The following GRIN1 variants were observed in gnomAD, a reference collection of about 807,000 sequenced individuals.
The protein encoded by GRIN1 is glutamate ionotropic receptor NMDA type subunit 1.
Under a neutral mutation model 103.0 loss-of-function variants are expected in GRIN1, and 38 were observed. The ratio of observed to expected loss-of-function variants is 0.37; its 90% CI spans 0.28 to 0.48. GRIN1 has a LOEUF of 0.48. Among genes scored for constraint, GRIN1 ranks in the 20% least tolerant of loss-of-function variants. The pLI, the probability that GRIN1 is intolerant of heterozygous loss-of-function variation, is 0.98. For synonymous variants in GRIN1, 544 were observed against 532.7 expected, an observed-to-expected ratio of 1.02 and a Z score of -0.29; for missense variants, 577 against 1,288.9, an observed-to-expected ratio of 0.45 and a Z score of 8.46.
Position 137,163,605 on chromosome 9 carries a change from C to T in GRIN1, c.2380C>T (p.Arg794Trp), listed in dbSNP as rs1423513108. The T allele has an allele frequency of 6.2e-7, 1 of 1,613,426 alleles. No homozygotes were observed. Among genetic ancestry groups the T allele is most frequent in the East Asian group, 2.2e-5 (1 of 44,892 alleles). Reference sequence around the variant, plus strand: ...GGAAGACCTGGACAAGACGTGGGTTCGGTATCAGGAATGTGACTCGCGCAG... The same window carrying T: ...GGAAGACCTGGACAAGACGTGGGTTTGGTATCAGGAATGTGACTCGCGCAG... ...FMEDLDKTWV[R>W]YQECDSRSNA... is the part of the protein sequence containing the mutation. The change falls in exon 17 of 20, where the codon CGG becomes TGG. Residue 794 changes from arginine (R) to tryptophan (W), a missense_variant. This residue lies in a region of GRIN1 where 13 missense variants were observed against 100.3 expected (regional missense o/e 0.13). Coordinates refer to ENST00000371561, the MANE Select transcript of GRIN1 (RefSeq NM_007327.4).
chr9:137,156,958 G>T lies in GRIN1; in HGVS notation c.889G>T (p.Glu297Ter). ...VVAQAVHELL[E>*]KENITDPPRG... ...GGCCCAGGCCGTGCACGAGCTCCTCGAGAAGGAGAACATCACCGACCCGCC... is the reference window on the plus strand; with the variant it reads ...GGCCCAGGCCGTGCACGAGCTCCTCTAGAAGGAGAACATCACCGACCCGCC... The change falls in exon 6 of 20, where the codon GAG (glutamate) becomes TAG (stop). Residue 297 changes from glutamate to a stop codon, truncating the protein, a stop_gained. Transcript: ENST00000371561. LOFTEE classifies it high-confidence loss of function. The T allele has an allele frequency of 6.2e-7, 1 of 1,612,218 alleles. No homozygotes were observed. Among genetic ancestry groups the T allele is most frequent in the Non-Finnish European group, 8.5e-7 (1 of 1,179,832 alleles).
chr9:137,163,933 T>TGCCCAGGGCCCGGCCTGGC (rs776800095), intron 18 of GRIN1, 29 bp downstream of exon 18: 1 of 1,610,122 alleles, frequency 6.2e-7, no homozygotes, highest in Non-Finnish European at 8.5e-7. Context: ...CGAGGCCTGG[T>TGCCCAGGGCCCGGCCTGGC]GCCCAGGGCC....
chr9:137,161,292 G>A lies in GRIN1; in HGVS notation c.1343G>A (p.Arg448His), dbSNP rs1313944247. The A allele has an allele frequency of 3.1e-6, 5 of 1,612,234 alleles. No individual in the cohort carries two copies. Among genetic ancestry groups the A allele is most frequent in the Non-Finnish European group, 4.2e-6 (5 of 1,179,634 alleles). The change falls in exon 10 of 20, where the codon CGC becomes CAC. Residue 448 changes from arginine to histidine, a missense_variant. Physicochemically the swap from Arg to His is conservative, Grantham distance 29. This residue lies in a region of GRIN1 where 96 missense variants were observed against 145.0 expected (regional missense o/e 0.66). Transcript: ENST00000371561. ...GPNDTSPGSP[R>H]HTVPQCCYGF... Reference sequence around the variant, plus strand: ...GTTACCGCCCGCACCTACCCAGCCCGCCACACGGTGCCTCAGTGTTGCTAC... The same window carrying A: ...GTTACCGCCCGCACCTACCCAGCCCACCACACGGTGCCTCAGTGTTGCTAC...
At position 137,151,184 on chromosome 9, in the gene GRIN1, C is replaced by A. The variant is rs1370832488; in HGVS notation, c.671+2075C>A. Among the ~76,000 whole-genome samples the A allele has an allele frequency of 6.2e-5, 8 of 128,048 alleles. No individual in the cohort carries two copies. In the East Asian group the frequency reaches 2.0e-3, roughly 32 times the overall value. The allele number at this position is 128,048 out of a possible 152,430, so 84.0% of individuals were successfully genotyped here. A position where few individuals can be genotyped will look rare whatever the true frequency, so the allele number is the denominator to read the frequency against. On this transcript the variant is annotated intron_variant, in intron 4 of 19. Coordinates refer to ENST00000371561, the MANE Select transcript of GRIN1 (RefSeq NM_007327.4). ...AGGGAAAGCCCCGCCCAGGGAAAGA[C>A]CCGCCCAGAAAAAAGTCCCGCCCAG...
chr9:137,156,239 C>A (rs1833208723), intron 4 of GRIN1, among the ~76,000 whole-genome samples: 1 of 152,194 alleles, frequency 6.6e-6, no homozygotes, highest in Admixed American at 6.5e-5. Context: ...CATCCTGGGA[C>A]CCCATCAGAG....
At position 137,163,526 on chromosome 9, in the gene GRIN1, CCTCACTGCAGG is replaced by C. The variant is rs936049949; in HGVS notation, c.2334-26_2334-16del. The C allele has an allele frequency of 2.0e-6, 3 of 1,491,424 alleles. No individual in the cohort carries two copies. In the Admixed American group the frequency reaches 5.0e-5, roughly 25 times the overall value. 92.4% of individuals were successfully genotyped at this position (1,491,424 alleles called of 1,614,324 possible). A position where few individuals can be genotyped will look rare whatever the true frequency, so the allele number is the denominator to read the frequency against. ...TTGCTCCTTCCCGTCCTGGGCCCCGCCTCACTGCAGGCTCACTTGTTCCCACCGCCAGGTCC... is the reference window on the plus strand; with the variant it reads ...TTGCTCCTTCCCGTCCTGGGCCCCGCCTCACTTGTTCCCACCGCCAGGTCC... On this transcript the variant is annotated intron_variant, in intron 16 of 19. Coordinates refer to ENST00000371561, the MANE Select transcript of GRIN1 (RefSeq NM_007327.4).
chr9:137,161,234 G>GC, intron 9 of GRIN1, 37 bp downstream of exon 9: 1 of 1,608,748 alleles, frequency 6.2e-7, no homozygotes, highest in Non-Finnish European at 8.5e-7. Flanking sequence ...CGCGGGGCAG[G>GC]GCGCGGGGCG....
chr9:137,157,031 T>C lies in GRIN1; in HGVS notation c.962T>C (p.Phe321Ser). 6.5e-7 allele frequency: 1 copy of C among 1,536,434 alleles called. No homozygotes were observed. Among genetic ancestry groups the C allele is most frequent in the Non-Finnish European group, 8.8e-7 (1 of 1,135,590 alleles). ...AACATCTGGAAGACCGGGCCGCTCT[T>C]CAAGAGGTGGGCGGGGCCTCCCCGG... is the stretch of plus-strand genomic sequence containing the variant. ...NTNIWKTGPL[F>S]KRVLMSSKYA... Residue 321 changes from phenylalanine to serine, a missense_variant, in exon 6 of 20, where the codon TTC becomes TCC. Phe to Ser is a radical substitution (Grantham distance 155). Around this residue, in one of 9 missense-constraint regions of GRIN1, gnomAD observed 308 missense variants for 553.6 expected, o/e 0.56. Transcript: ENST00000371561.
chr9:137,147,568 G>A (rs930419151), intron 3 of GRIN1, among the ~76,000 whole-genome samples: 10 of 152,182 alleles, frequency 6.6e-5, no homozygotes, highest in African/African-American at 2.4e-4. Flanking sequence ...GGCCTTTGTG[G>A]ACTAACCCTC....
intron 3 of GRIN1, among the ~76,000 whole-genome samples, chr9:137,147,546 C>A (rs1441446196): frequency 6.6e-6 from 1 of 152,236 alleles, no homozygotes; most frequent in African/African-American, 2.4e-5. Context: ...TGGCCCTTCC[C>A]CAACCTTCAC....
At position 137,158,278 on chromosome 9, in the gene GRIN1, GAGCAGGGGGAAGGAGCAGGGAGAAGC is replaced by G. The variant is rs922039062; in HGVS notation, c.969-78_969-53del. ...CGGCAGGAGAAGGAGCAGGGAGAAG[GAGCAGGGGGAAGGAGCAGGGAGAAGC>G]AGCAGGGGGAAGGAGCAGGGAGGAG... On this transcript the variant is annotated intron_variant, in intron 6 of 19. Transcript: ENST00000371561. The G allele has an allele frequency of 2.5e-5, 33 of 1,297,968 alleles. No individual in the cohort carries two copies. In the African/African-American group the frequency reaches 2.6e-4, roughly 10 times the overall value. 80.4% of individuals were successfully genotyped at this position (1,297,968 alleles called of 1,614,324 possible). A position where few individuals can be genotyped will look rare whatever the true frequency, so the allele number is the denominator to read the frequency against.
intron 8 of GRIN1, among the ~76,000 whole-genome samples, chr9:137,158,993 G>A (rs1357668742): frequency 6.6e-6 from 1 of 152,172 alleles, no homozygotes; most frequent in Non-Finnish European, 1.5e-5. Flanking sequence ...GACCCTGCTG[G>A]GGAAGAGCAG....
At chr9:137,148,310 C>T (rs897285005) in intron 3 of GRIN1, 27 of 792,918 alleles carry the variant, frequency 3.4e-5, no homozygotes, top group Middle Eastern at 4.5e-4. Context: ...GCCGCCGAGC[C>T]GCAGGCCCAA....
In GRIN1 at chr9:137,163,634, C is replaced by T. The variant is rs199700679; in HGVS notation, c.2409C>T (p.Asn803=). The change falls in exon 17 of 20, where the codon AAC becomes AAT. Residue 803 remains asparagine (N), a synonymous_variant. Coordinates refer to ENST00000371561, the MANE Select transcript of GRIN1 (RefSeq NM_007327.4). The part of the protein sequence containing the change: ...VRYQECDSRS[N]APATLTFENM... ...ATCAGGAATGTGACTCGCGCAGCAACGCCCCTGCGACCCTTACTTTTGAGA... is the reference window on the plus strand; with the variant it reads ...ATCAGGAATGTGACTCGCGCAGCAATGCCCCTGCGACCCTTACTTTTGAGA... The T allele has an allele frequency of 6.2e-7, 1 of 1,613,630 alleles. No homozygotes were observed. Among genetic ancestry groups the T allele is most frequent in the Middle Eastern group, 1.6e-4 (1 of 6,062 alleles).
At chr9:137,141,825 T>C (rs1330315738) in intron 1 of GRIN1, among the ~76,000 whole-genome samples, 188 bp from the exon 2 acceptor site, 2 of 152,036 alleles carry the variant, frequency 1.3e-5, no homozygotes, top group Non-Finnish European at 2.9e-5. Flanking sequence ...GAGGTCCGGG[T>C]GGGGTCTCCC....
At chr9:137,148,306 G>C in intron 3 of GRIN1, 2 of 815,800 alleles carry the variant, frequency 2.5e-6, no homozygotes, top group Non-Finnish European at 3.9e-6. Context: ...CCCAGCCGCC[G>C]AGCCGCAGGC....
Position 137,156,777 on chromosome 9 carries a change from C to A in GRIN1, c.780C>A (p.Arg260=), listed in dbSNP as rs3181450. ...GEREISGNAL[R]YAPDGILGLQ... ...GCGAGATCTCGGGGAACGCCCTGCG[C>A]TACGCCCCAGACGGTGAGTGCTGGG... is the stretch of plus-strand genomic sequence containing the variant. The change falls in exon 5 of 20, where the codon CGC becomes CGA. Residue 260 remains arginine (R), a synonymous_variant. Coordinates refer to ENST00000371561, the MANE Select transcript of GRIN1 (RefSeq NM_007327.4). 1 of 1,591,730 alleles carries A rather than the reference C, an allele frequency of 6.3e-7. No individual in the cohort carries two copies. Among genetic ancestry groups the A allele is most frequent in the Non-Finnish European group, 8.5e-7 (1 of 1,170,328 alleles).
chr9:137,148,698 C>T (rs1010808946), intron 3 of GRIN1, among the ~76,000 whole-genome samples: 2 of 152,248 alleles, frequency 1.3e-5, no homozygotes, highest in African/African-American at 4.8e-5. Flanking sequence ...AGTCTGGGTC[C>T]ACTTCAGCTT....
chr9:137,156,992 G>C lies in GRIN1; in HGVS notation c.923G>C (p.Cys308Ser). 6.2e-7 allele frequency: 1 copy of C among 1,612,340 alleles called. No homozygotes were observed. Among genetic ancestry groups the C allele is most frequent in the Non-Finnish European group, 8.5e-7 (1 of 1,179,868 alleles). ...AACATCACCGACCCGCCGCGGGGCTGCGTGGGCAACACCAACATCTGGAAG... is the reference window on the plus strand; with the variant it reads ...AACATCACCGACCCGCCGCGGGGCTCCGTGGGCAACACCAACATCTGGAAG... ...KENITDPPRG[C>S]VGNTNIWKTG... Residue 308 changes from cysteine (C) to serine (S), a missense_variant, in exon 6 of 20, where the codon TGC becomes TCC. Cys to Ser is a moderately radical substitution (Grantham distance 112). Around this residue, in one of 9 missense-constraint regions of GRIN1, gnomAD observed 308 missense variants for 553.6 expected, o/e 0.56. Transcript: ENST00000371561.
Sources: gnomAD v4.1 joint callset for allele counts (sites outside exome capture counted in the v4.1 genomes callset) on GRCh38, gnomAD v4.1.1 for gene constraint, gnomAD v4.1.1 regional missense constraint, MANE v1.5 for transcripts, NCBI Gene and HGNC (gene_info 2026-07-23, HGNC 2026-07-21) for gene names.